SLC27A1: variants seen among roughly 807,000 people sequenced by gnomAD.
The protein encoded by SLC27A1 is long-chain fatty acid transport protein 1.
In SLC27A1, 61 loss-of-function variants were observed where a neutral mutation model predicts 62.2. The observed-to-expected ratio is 0.98, with a 90% CI of 0.80 to 1.21. SLC27A1 has a LOEUF of 1.21. Ranked by LOEUF, SLC27A1 falls within the 50% of genes most tolerant of loss-of-function variation. The pLI, the probability that SLC27A1 is intolerant of heterozygous loss-of-function variation, is 0.00. For synonymous variants in SLC27A1, 435 were observed against 408.6 expected (o/e 1.06, Z -0.78); for missense variants, 903 against 932.1 (o/e 0.97, Z 0.41).
Position 17,486,584 on chromosome 19 carries a change from C to T in SLC27A1, c.189C>T (p.Arg63=), listed in dbSNP as rs775642744. ...RDLFGLSVLI[R]VRLELRRHQR... ...CCAGCGGTCTCTCTGTGCTGATCCG[C>T]GTGCGCCTGGAGCTGCGGCGGCACC... The change falls in exon 2 of 12, where the codon CGC becomes CGT. Residue 63 remains arginine (R), a synonymous_variant. Transcript: ENST00000252595. The surrounding 1 kb of genome is among the most constrained non-coding windows in gnomAD (Gnocchi z 6.6). The T allele has an allele frequency of 5.0e-6, 8 of 1,591,248 alleles. No individual in the cohort carries two copies. Among genetic ancestry groups the T allele is most frequent in the Non-Finnish European group, 6.0e-6 (7 of 1,176,196 alleles).
intron 1 of SLC27A1, among the ~76,000 whole-genome samples, chr19:17,480,541 C>CTTTTTTTTTTT (rs3079223): frequency 7.2e-5 from 8 of 111,776 alleles, no homozygotes; most frequent in Non-Finnish European, 1.2e-4. Context: ...TAATTTTTTT[C>CTTTTTTTTTTT]TTTTTTTTTT....
In SLC27A1 at chr19:17,489,115, A is replaced by G. The variant is rs1379997115; in HGVS notation, c.994A>G (p.Thr332Ala). ...GGACGACTGCATCAAGTACAACTGC[A>G]CGGTCAGGCCCTGCCCTGTTCTGTC... ...FWDDCIKYNC[T>A]VVQYIGEICR... Residue 332 changes from threonine (T) to alanine (A), a missense_variant and splice_region_variant, in exon 6 of 12, where the codon ACG becomes GCG. Transcript: ENST00000252595. 1.2e-6 allele frequency: 2 copies of G among 1,613,768 alleles called. No homozygotes were observed. Among genetic ancestry groups the G allele is most frequent in the African/African-American group, 2.7e-5 (2 of 74,886 alleles).
intron 4 of SLC27A1, among the ~76,000 whole-genome samples, chr19:17,488,345 A>C (rs900525081): frequency 2.0e-5 from 3 of 152,120 alleles, no homozygotes; most frequent in East Asian, 3.9e-4. Flanking sequence ...ATGATACAGC[A>C]AGACTCCCTC....
chr19:17,480,986 C>T (rs1255566209), intron 1 of SLC27A1, among the ~76,000 whole-genome samples: 4 of 151,136 alleles, frequency 2.6e-5, no homozygotes, highest in East Asian at 1.9e-4. Flanking sequence ...AGTGCAATGA[C>T]GCGATCTCGG....
At chr19:17,485,459 A>G (rs956038668) in intron 1 of SLC27A1, among the ~76,000 whole-genome samples, 3 of 151,344 alleles carry the variant, frequency 2.0e-5, no homozygotes, top group African/African-American at 7.3e-5. Context: ...AAGTGCTAGG[A>G]TTACAGGTGT....
upstream of SLC27A1, chr19:17,470,313 G>A (rs1306322430): frequency 2.0e-6 from 1 of 502,982 alleles, no homozygotes. Context: ...CCTAGTTAGC[G>A]GGCGGGTGTA....
rs113064134 is a variant in SLC27A1 at position 17,493,700 on chromosome 19, C to T, written c.997-3555C>T. ...AATGGAGTAGTGTGATCTCGGCTCA[C>T]TGCAACCTCCTTCTCCTGGGTTCAA... On this transcript the variant is annotated intron_variant, in intron 6 of 11. Coordinates refer to ENST00000252595, the MANE Select transcript of SLC27A1 (RefSeq NM_198580.3). 8.4e-3 allele frequency among the ~76,000 whole-genome samples: 1,266 copies of T among 151,362 alleles called. 12 individuals are homozygous for T. Among genetic ancestry groups the T allele is most frequent in the Middle Eastern group, 0.031 (9 of 294 alleles).
chr19:17,494,849 AGAT>A (rs1453622201), intron 6 of SLC27A1, among the ~76,000 whole-genome samples: 3 of 150,902 alleles, frequency 2.0e-5, no homozygotes, highest in Non-Finnish European at 4.4e-5. Context: ...GCATAATAAG[AGAT>A]TGGGTTGGGG....
At chr19:17,489,320 C>A (rs905721110) in intron 6 of SLC27A1, among the ~76,000 whole-genome samples, 1 of 152,132 alleles carries the variant, frequency 6.6e-6, no homozygotes, top group African/African-American at 2.4e-5. Flanking sequence ...GTGCGCCCTC[C>A]TGTCCACCTG....
chr19:17,470,466 G>A (rs1411341502), upstream of SLC27A1: 5 of 1,404,752 alleles, frequency 3.6e-6, no homozygotes, highest in Admixed American at 3.2e-5. Context: ...AGAGGCGGGG[G>A]CGGTCGTGGG....
chr19:17,474,557 C>G (rs2075104139), intron 1 of SLC27A1, among the ~76,000 whole-genome samples: 1 of 152,036 alleles, frequency 6.6e-6, no homozygotes, highest in Non-Finnish European at 1.5e-5. Flanking sequence ...CCCAGGGATC[C>G]CTGTCTCCTG....
rs544444067 is a variant in SLC27A1, at chr19:17,475,956, G to C, written c.167+5249G>C. On this transcript the variant is annotated intron_variant, in intron 1 of 11. Coordinates refer to ENST00000252595, the MANE Select transcript of SLC27A1 (RefSeq NM_198580.3). ...TGCTGGTGTGGGCATCCTTGAGAGAGAACGAGTGAGACCAAGAGACCGGGA... is the reference window on the plus strand; with the variant it reads ...TGCTGGTGTGGGCATCCTTGAGAGACAACGAGTGAGACCAAGAGACCGGGA... 3.3e-5 allele frequency among the ~76,000 whole-genome samples: 5 copies of C among 152,300 alleles called. No homozygotes were observed. The South Asian group carries it at 1.0e-3, about 32-fold the overall frequency.
intron 6 of SLC27A1, chr19:17,489,763 ATTC>A (rs1289200372): frequency 2.0e-5 from 3 of 152,436 alleles, no homozygotes; most frequent in Non-Finnish European, 2.9e-5. Context: ...AAGAACAGGA[ATTC>A]TTCTTTCCCC....
chr19:17,477,712 C>T (rs1338295338), intron 1 of SLC27A1, among the ~76,000 whole-genome samples: 1 of 151,356 alleles, frequency 6.6e-6, no homozygotes, highest in Non-Finnish European at 1.5e-5. Context: ...GCCACCATGC[C>T]CGGCTAATTT....
intron 4 of SLC27A1, among the ~76,000 whole-genome samples, chr19:17,488,166 C>T (rs912739946): frequency 6.6e-6 from 1 of 152,158 alleles, no homozygotes; most frequent in Non-Finnish European, 1.5e-5. Flanking sequence ...CGAGACCGTC[C>T]TGGCCAACGT....
intron 11 of SLC27A1, chr19:17,503,579 C>T (rs1022072205): frequency 1.3e-5 from 2 of 151,672 alleles, no homozygotes; most frequent in Non-Finnish European, 2.9e-5. Flanking sequence ...CCCACCTCAG[C>T]CTCCCAAGTA....
In SLC27A1 at chr19:17,489,093, C is replaced by G; in HGVS notation, c.972C>G (p.Asp324Glu). ...RKKFSASRFW[D>E]DCIKYNCTVV... Reference sequence around the variant, plus strand: ...AATTCTCGGCCAGCCGCTTCTGGGACGACTGCATCAAGTACAACTGCACGG... The same window carrying G: ...AATTCTCGGCCAGCCGCTTCTGGGAGGACTGCATCAAGTACAACTGCACGG... The change falls in exon 6 of 12, where the codon GAC becomes GAG. Residue 324 changes from aspartate (D) to glutamate (E), a missense_variant. Asp to Glu is a conservative substitution (Grantham distance 45). Transcript: ENST00000252595. The G allele has an allele frequency of 6.2e-7, 1 of 1,614,118 alleles. No individual in the cohort carries two copies. Among genetic ancestry groups the G allele is most frequent in the East Asian group, 2.2e-5 (1 of 44,890 alleles).
At chr19:17,473,635 G>C (rs1037303590) in intron 1 of SLC27A1, among the ~76,000 whole-genome samples, 2 of 152,196 alleles carry the variant, frequency 1.3e-5, no homozygotes, top group African/African-American at 4.8e-5. Context: ...GCCGAAGCGG[G>C]TGGATCACCT....
chr19:17,482,535 C>T (rs1245515883), intron 1 of SLC27A1, among the ~76,000 whole-genome samples: 1 of 151,730 alleles, frequency 6.6e-6, no homozygotes, highest in Non-Finnish European at 1.5e-5. Flanking sequence ...CCTGTAGTCC[C>T]AGCTACTTGG....
Sources: allele counts gnomAD v4.1 joint callset (sites outside exome capture counted in the v4.1 genomes callset), GRCh38; gene constraint gnomAD v4.1.1; non-coding constraint Gnocchi (gnomAD v3.1); transcripts MANE v1.5; gene names NCBI Gene and HGNC (gene_info 2026-07-23, HGNC 2026-07-21).